SGCZ: variants seen among roughly 807,000 people sequenced by gnomAD.
The protein encoded by SGCZ is sarcoglycan zeta, also known as zeta-sarcoglycan.
In SGCZ, 40 loss-of-function variants were observed where a neutral mutation model predicts 41.3. The ratio of observed to expected loss-of-function variants is 0.97; its 90% CI spans 0.75 to 1.26. The LOEUF is 1.26. Ranked by LOEUF, SGCZ falls within the 50% of genes most tolerant of loss-of-function variation. The probability of loss-of-function intolerance (pLI) is 0.00; values close to 1 mark genes in which losing one functional copy is unlikely to be tolerated. For missense variants in SGCZ, 552 were observed against 369.8 expected, an observed-to-expected ratio of 1.49 and a Z score of -4.04; for synonymous variants, 206 against 137.5, an observed-to-expected ratio of 1.50 and a Z score of -3.49.
chr8:14,794,766 G>T (rs1336000405), intron 1 of SGCZ, among the ~76,000 whole-genome samples: 1 of 152,156 alleles, frequency 6.6e-6, no homozygotes, highest in Non-Finnish European at 1.5e-5. Context: ...GTTATAAAGA[G>T]ATTATGAATG....
chr8:14,332,489 CA>C (rs1307429880), intron 2 of SGCZ: 4 of 151,742 alleles, frequency 2.6e-5, no homozygotes, highest in African/African-American at 4.8e-5. Flanking sequence ...GTTAATTTGA[CA>C]AAATGGATAG....
intron 2 of SGCZ, among the ~76,000 whole-genome samples, chr8:14,470,890 TA>T (rs1372853572): frequency 1.3e-5 from 2 of 152,118 alleles, no homozygotes; most frequent in African/African-American, 4.8e-5. Context: ...TGAGACACAA[TA>T]AGTCGTGTTA....
At chr8:14,322,550 G>A (rs1016584503) in intron 3 of SGCZ, among the ~76,000 whole-genome samples, 12 of 152,010 alleles carry the variant, frequency 7.9e-5, no homozygotes, top group African/African-American at 2.7e-4. Context: ...GAAATGTCCT[G>A]GCTGAGAAGA....
chr8:15,109,220 C>A (rs1197541043), intron 1 of SGCZ, among the ~76,000 whole-genome samples: 3 of 152,136 alleles, frequency 2.0e-5, no homozygotes, highest in Non-Finnish European at 4.4e-5. Context: ...ATGCCTTCTC[C>A]TTTCCCAGCT....
At chr8:14,350,944 A>AGTTTT (rs1362684468) in intron 2 of SGCZ, among the ~76,000 whole-genome samples, 1 of 152,080 alleles carries the variant, frequency 6.6e-6, no homozygotes, top group Non-Finnish European at 1.5e-5. Context: ...ATTTCAGGAG[A>AGTTTT]GTTTTCCGTG....
intron 1 of SGCZ, among the ~76,000 whole-genome samples, chr8:14,817,971 C>T (rs6530807): frequency 6.6e-6 from 1 of 151,992 alleles, no homozygotes; most frequent in Admixed American, 6.6e-5. Flanking sequence ...AGAGGCACCT[C>T]GCCCAGATAT....
intron 1 of SGCZ, among the ~76,000 whole-genome samples, chr8:14,901,049 T>C (rs573095775): frequency 6.6e-6 from 1 of 152,290 alleles, no homozygotes; most frequent in South Asian, 2.1e-4. Context: ...ATCATTTCTG[T>C]TTGGAAAGAA....
At chr8:14,618,330 T>C (rs1806174385) in intron 1 of SGCZ, among the ~76,000 whole-genome samples, 1 of 152,116 alleles carries the variant, frequency 6.6e-6, no homozygotes, top group Non-Finnish European at 1.5e-5. Context: ...TTTAAAACAG[T>C]TTACTCAAGG....
intron 5 of SGCZ, among the ~76,000 whole-genome samples, chr8:14,131,447 G>A (rs994883933): frequency 2.0e-5 from 3 of 152,126 alleles, no homozygotes; most frequent in Non-Finnish European, 4.4e-5. Flanking sequence ...AGCAATTTCT[G>A]TATGTTATTC....
chr8:14,110,283 C>A (rs11993263), intron 5 of SGCZ, among the ~76,000 whole-genome samples: 25,428 of 151,996 alleles, frequency 0.17, 3,058 homozygotes, highest in East Asian at 0.65. Flanking sequence ...AATTTTTAAA[C>A]TTTGCACATG....
chr8:14,927,659 G>A (rs963728614), intron 1 of SGCZ, among the ~76,000 whole-genome samples: 3 of 152,142 alleles, frequency 2.0e-5, no homozygotes, highest in Admixed American at 6.5e-5. Context: ...TTTATTTGAT[G>A]AGGTTGTTGA....
intron 1 of SGCZ, among the ~76,000 whole-genome samples, chr8:14,934,390 T>C (rs1376099446): frequency 6.6e-6 from 1 of 151,832 alleles, no homozygotes; most frequent in Non-Finnish European, 1.5e-5. Context: ...GAAAGGGAGA[T>C]CATAAAATAA....
chr8:14,570,012 C>T (rs1443901622), intron 1 of SGCZ, among the ~76,000 whole-genome samples: 1 of 151,934 alleles, frequency 6.6e-6, no homozygotes, highest in African/African-American at 2.4e-5. Context: ...AGCAACCCTC[C>T]ATTCCTCATT....
intron 1 of SGCZ, among the ~76,000 whole-genome samples, chr8:14,763,317 T>C (rs1799946485): frequency 6.6e-6 from 1 of 152,164 alleles, no homozygotes; most frequent in Admixed American, 6.5e-5. Flanking sequence ...TTCATTTTAA[T>C]ACGGTGGACA....
intron 2 of SGCZ, among the ~76,000 whole-genome samples, chr8:14,374,093 A>G (rs1804014799): frequency 6.6e-6 from 1 of 152,218 alleles, no homozygotes; most frequent in South Asian, 2.1e-4. Context: ...TAAGAAACAC[A>G]AAGCCTAGGT....
intron 2 of SGCZ, among the ~76,000 whole-genome samples, chr8:14,541,679 T>G (rs1207123822): frequency 6.6e-6 from 1 of 152,170 alleles, no homozygotes; most frequent in Non-Finnish European, 1.5e-5. Flanking sequence ...ATGGTAGTTC[T>G]GATTCTAGAT....
chr8:15,133,750 T>C (rs1585598038), intron 1 of SGCZ, among the ~76,000 whole-genome samples: 1 of 151,956 alleles, frequency 6.6e-6, no homozygotes, highest in African/African-American at 2.4e-5. Flanking sequence ...ATAATAAGAG[T>C]AGACCATATC....
intron 1 of SGCZ, among the ~76,000 whole-genome samples, chr8:14,602,022 A>G (rs972170571): frequency 2.0e-5 from 3 of 152,130 alleles, no homozygotes; most frequent in Admixed American, 2.0e-4. Context: ...CGGGAGGCTG[A>G]GGCAGGAGAA....
At position 14,717,996 on chromosome 8, in the gene SGCZ, G is replaced by GATAT. The variant is rs140343071; in HGVS notation, c.40-163074_40-163071dup. Among the ~76,000 whole-genome samples the GATAT allele has an allele frequency of 8.8e-4, 127 of 145,000 alleles. 2 individuals are homozygous for GATAT. The highest frequency in any genetic ancestry group is 3.1e-3 in the African/African-American group (115 of 37,674). Reference sequence around the variant, plus strand: ...TGGATAAATGTAAATTCTAAAATAAGATATATATATATATGTAATATGGCT... The same window carrying GATAT: ...TGGATAAATGTAAATTCTAAAATAAGATATATATATATATATATGTAATATGGCT... On this transcript the variant is annotated intron_variant, in intron 1 of 7. Coordinates refer to ENST00000382080, the MANE Select transcript of SGCZ (RefSeq NM_139167.4).
Sources: allele counts gnomAD v4.1 joint callset (sites outside exome capture counted in the v4.1 genomes callset), GRCh38; gene constraint gnomAD v4.1.1; transcripts MANE v1.5; gene names NCBI Gene and HGNC (gene_info 2026-07-23, HGNC 2026-07-21).